The following PRR16 variants were observed in gnomAD, a reference collection of about 807,000 sequenced individuals.
PRR16 encodes protein Largen.
A neutral mutation model predicts 18.2 loss-of-function variants in PRR16; 6 were observed. The observed-to-expected ratio is 0.33, with a 90% CI of 0.18 to 0.65. The LOEUF (loss-of-function observed/expected upper bound fraction) is 0.65, where lower values mean the gene tolerates loss of function less well. PRR16 is among the 30% of genes least tolerant of loss of function. The pLI is 0.74. For missense variants in PRR16, 412 were observed against 376.6 expected, an observed-to-expected ratio of 1.09 and a Z score of -0.78; for synonymous variants, 151 against 147.8, an observed-to-expected ratio of 1.02 and a Z score of -0.16.
the PRR16 span, among the ~76,000 whole-genome samples, chr5:120,758,031 G>GTCAA: frequency 0.88 from 133,641 of 151,730 alleles, 59,591 homozygotes; most frequent in Middle Eastern, 0.95. Context: ...TAATTTTATT[G>GTCAA]TCAAGACTTC....
At chr5:120,575,318 A>AACACACAC (rs3047956) in intron 1 of PRR16, among the ~76,000 whole-genome samples, 6,140 of 138,174 alleles carry the variant, frequency 0.044, 174 homozygotes, top group African/African-American at 0.063. Context: ...CAGACAAGGA[A>AACACACAC]ACACACACAC....
intron 1 of PRR16, among the ~76,000 whole-genome samples, chr5:120,681,968 C>T (rs1756987222): frequency 6.6e-6 from 1 of 152,182 alleles, no homozygotes; most frequent in African/African-American, 2.4e-5. Context: ...CTTTAGAGGA[C>T]ACTTCAGTTC....
At chr5:120,496,317 G>C (rs1009828587) in intron 1 of PRR16, among the ~76,000 whole-genome samples, 1 of 151,998 alleles carries the variant, frequency 6.6e-6, no homozygotes, top group Non-Finnish European at 1.5e-5. Context: ...GAATTCCCCA[G>C]TGAAACCCTC....
At chr5:120,777,090 A>G in the PRR16 span, among the ~76,000 whole-genome samples, 3 of 152,048 alleles carry the variant, frequency 2.0e-5, no homozygotes, top group East Asian at 1.9e-4. Context: ...CTTGGTTCTC[A>G]TAGAGAACCT....
the PRR16 span, among the ~76,000 whole-genome samples, chr5:120,765,574 CCTT>C: frequency 3.9e-4 from 59 of 152,032 alleles, no homozygotes; most frequent in African/African-American, 1.3e-3. Flanking sequence ...AACCTCTTTA[CCTT>C]CTTTTCTTTT....
At chr5:120,697,718 G>A in the PRR16 span, among the ~76,000 whole-genome samples, 2 of 151,902 alleles carry the variant, frequency 1.3e-5, no homozygotes, top group African/African-American at 2.4e-5. Flanking sequence ...AGTCAAAGGG[G>A]GTTTGTTCTC....
At chr5:120,752,459 A>G in the PRR16 span, among the ~76,000 whole-genome samples, 1 of 151,970 alleles carries the variant, frequency 6.6e-6, no homozygotes, top group Non-Finnish European at 1.5e-5. Flanking sequence ...ACATTTGTAC[A>G]TGAGAGACAT....
intron 1 of PRR16, among the ~76,000 whole-genome samples, chr5:120,472,790 G>A (rs149772151): frequency 1.3e-5 from 2 of 152,106 alleles, no homozygotes; most frequent in East Asian, 3.9e-4. Flanking sequence ...GTGAAAATAG[G>A]TGGTATATTT....
At chr5:120,469,285 T>A (rs1444134309) in intron 1 of PRR16, among the ~76,000 whole-genome samples, 1 of 152,166 alleles carries the variant, frequency 6.6e-6, no homozygotes, top group Non-Finnish European at 1.5e-5. Flanking sequence ...GCATAAAAAA[T>A]TCGTTACAAG....
rs1302001275 is a variant in PRR16 at position 120,530,273 on chromosome 5, ATATATATATATTTATT to A, written c.159+65632_159+65647del. ...TGTGTAAATATATATATATATATAT[ATATATATATATTTATT>A]TATTTATTTATTTATTTATTTATAT... On this transcript the variant is annotated intron_variant, in intron 1 of 1. Transcript: ENST00000407149. Among the ~76,000 whole-genome samples the A allele has an allele frequency of 1.4e-3, 175 of 124,776 alleles. 1 individual carries two copies. Among genetic ancestry groups the A allele is most frequent in the Non-Finnish European group, 2.3e-3 (138 of 61,286 alleles). 81.9% of individuals were successfully genotyped at this position (124,776 alleles called of 152,430 possible).
At chr5:120,723,500 G>T in the PRR16 span, among the ~76,000 whole-genome samples, 2 of 151,934 alleles carry the variant, frequency 1.3e-5, no homozygotes, top group African/African-American at 2.4e-5. Flanking sequence ...CATATAATTA[G>T]CATACAAGCA....
the PRR16 span, among the ~76,000 whole-genome samples, chr5:120,746,698 G>T: frequency 1.3e-5 from 2 of 152,098 alleles, no homozygotes; most frequent in African/African-American, 4.8e-5. Flanking sequence ...TCTGACAGTG[G>T]TATTTTTTTT....
the PRR16 span, among the ~76,000 whole-genome samples, chr5:120,782,296 C>T: frequency 6.6e-6 from 1 of 150,676 alleles, no homozygotes; most frequent in Non-Finnish European, 1.5e-5. Flanking sequence ...TTCAGAAGTA[C>T]CCCCCTCCAA....
intron 1 of PRR16, among the ~76,000 whole-genome samples, chr5:120,661,248 A>G (rs1237713667): frequency 6.6e-6 from 1 of 152,028 alleles, no homozygotes; most frequent in Non-Finnish European, 1.5e-5. Context: ...CTTGGGTCAC[A>G]CTTTCTTTCC....
At chr5:120,711,687 A>G in the PRR16 span, among the ~76,000 whole-genome samples, 2 of 152,192 alleles carry the variant, frequency 1.3e-5, no homozygotes, top group Non-Finnish European at 2.9e-5. Context: ...TGTGCTGTAC[A>G]AAGTCCTGCT....
the PRR16 span, among the ~76,000 whole-genome samples, chr5:120,772,432 A>G: frequency 6.6e-6 from 1 of 152,128 alleles, no homozygotes; most frequent in Non-Finnish European, 1.5e-5. Context: ...GCATAATTCA[A>G]TAATGGTTGA....
At chr5:120,483,226 T>C (rs1002755338) in intron 1 of PRR16, among the ~76,000 whole-genome samples, 1 of 152,136 alleles carries the variant, frequency 6.6e-6, no homozygotes, top group Non-Finnish European at 1.5e-5. Flanking sequence ...TACCCACACC[T>C]ATGTGTTTTA....
At chr5:120,478,215 C>A (rs995325871) in intron 1 of PRR16, among the ~76,000 whole-genome samples, 1 of 152,098 alleles carries the variant, frequency 6.6e-6, no homozygotes, top group Admixed American at 6.6e-5. Flanking sequence ...AAAGCTATTA[C>A]CTTTTAGTTT....
the PRR16 span, among the ~76,000 whole-genome samples, chr5:120,704,083 C>T: frequency 6.6e-6 from 1 of 152,236 alleles, no homozygotes; most frequent in African/African-American, 2.4e-5. Flanking sequence ...CAGAAGTTAA[C>T]ATAAGAAAGA....
Sources: allele counts gnomAD v4.1 joint callset (sites outside exome capture counted in the v4.1 genomes callset), GRCh38; gene constraint gnomAD v4.1.1; transcripts MANE v1.5; gene names NCBI Gene and HGNC (gene_info 2026-07-23, HGNC 2026-07-21).